The following HAO1 variants were observed in gnomAD, a reference collection of about 807,000 sequenced individuals.
HAO1 encodes the protein 2-Hydroxyacid oxidase 1.
In HAO1, 34 loss-of-function variants were observed where a neutral mutation model predicts 39.7. That is an observed-to-expected ratio of 0.86 (90% CI 0.65 to 1.14). The LOEUF (loss-of-function observed/expected upper bound fraction) is 1.14, where lower values mean the gene tolerates loss of function less well. Among genes scored for constraint, HAO1 ranks in the 50% most tolerant of loss-of-function variants. The pLI is 0.00. For synonymous variants in HAO1, 172 were observed against 173.2 expected, an observed-to-expected ratio of 0.99 and a Z score of 0.05; for missense variants, 479 against 464.5, an observed-to-expected ratio of 1.03 and a Z score of -0.29.
At chr20:7,920,418 G>A (rs1487481329) in intron 2 of HAO1, among the ~76,000 whole-genome samples, 4 of 151,924 alleles carry the variant, frequency 2.6e-5, no homozygotes, top group Non-Finnish European at 5.9e-5. Flanking sequence ...CCATTTTTTT[G>A]TAGGGAGAAC....
chr20:7,906,790 T>C (rs772316005), intron 3 of HAO1, among the ~76,000 whole-genome samples: 26 of 152,186 alleles, frequency 1.7e-4, no homozygotes, highest in Admixed American at 1.2e-3. Flanking sequence ...AAAGTAACAT[T>C]GATACTCTAT....
chr20:7,892,020 C>T (rs1443879738), intron 5 of HAO1, among the ~76,000 whole-genome samples: 1 of 152,146 alleles, frequency 6.6e-6, no homozygotes, highest in Non-Finnish European at 1.5e-5. Context: ...CAGTGTGTCT[C>T]TGGGAGCAAA....
At chr20:7,911,565 C>A (rs1568515122) in intron 3 of HAO1, among the ~76,000 whole-genome samples, 1 of 152,100 alleles carries the variant, frequency 6.6e-6, no homozygotes, top group Non-Finnish European at 1.5e-5. Flanking sequence ...TCTCCTTACT[C>A]CCTCTCAGTT....
intron 4 of HAO1, among the ~76,000 whole-genome samples, chr20:7,897,280 A>G (rs1407685889): frequency 3.3e-5 from 5 of 152,182 alleles, no homozygotes; most frequent in African/African-American, 9.6e-5. Flanking sequence ...AAGGAACGTG[A>G]TAAGTTGTGA....
At chr20:7,892,236 C>T (rs895052911) in intron 5 of HAO1, among the ~76,000 whole-genome samples, 1 of 152,092 alleles carries the variant, frequency 6.6e-6, no homozygotes, top group South Asian at 2.1e-4. Context: ...CAGGAGTGCA[C>T]CACCATGCCC....
intron 2 of HAO1, among the ~76,000 whole-genome samples, chr20:7,934,043 G>A (rs1410981213): frequency 2.0e-5 from 3 of 152,162 alleles, no homozygotes; most frequent in Non-Finnish European, 4.4e-5. Flanking sequence ...TTGAGATAAG[G>A]TAGCCACAGG....
intron 2 of HAO1, among the ~76,000 whole-genome samples, chr20:7,917,000 T>C (rs756182311): frequency 6.6e-6 from 1 of 152,178 alleles, no homozygotes; most frequent in Non-Finnish European, 1.5e-5. Flanking sequence ...CCAAGGGACA[T>C]TGATTGCTTG....
intron 2 of HAO1, among the ~76,000 whole-genome samples, chr20:7,914,871 C>T (rs954557922): frequency 6.6e-6 from 1 of 152,192 alleles, no homozygotes; most frequent in Admixed American, 6.5e-5. Context: ...GTAATCCCAG[C>T]ACTTTGGGAG....
chr20:7,938,444 C>A (rs1314690888), intron 1 of HAO1, among the ~76,000 whole-genome samples: 2 of 151,854 alleles, frequency 1.3e-5, no homozygotes, highest in Non-Finnish European at 2.9e-5. Flanking sequence ...GGTGACACTG[C>A]AAATTCATTT....
At chr20:7,923,998 G>A (rs980904633) in intron 2 of HAO1, among the ~76,000 whole-genome samples, 3 of 152,114 alleles carry the variant, frequency 2.0e-5, no homozygotes, top group Admixed American at 6.6e-5. Flanking sequence ...CCAATGGCCC[G>A]CCATGCCTTG....
rs1002920175 is a variant in HAO1, at chr20:7,894,671, G to A, written c.813+462C>T. On this transcript the variant is annotated intron_variant, in intron 5 of 7. Transcript: ENST00000378789. ...ACCATTTCTCTGCAGCTTTTCAACC[G>A]CCACCCCACAGGAAATTCTGATTAT... 5.9e-5 allele frequency among the ~76,000 whole-genome samples: 9 copies of A among 151,876 alleles called. No homozygotes were observed. The South Asian group carries it at 6.2e-4, about 11-fold the overall frequency.
At chr20:7,904,106 A>G (rs2050236746) in intron 4 of HAO1, among the ~76,000 whole-genome samples, 1 of 152,152 alleles carries the variant, frequency 6.6e-6, no homozygotes, top group African/African-American at 2.4e-5. Flanking sequence ...CTTATTTGAA[A>G]CAATTATGGA....
At chr20:7,925,522 T>G (rs945348364) in intron 2 of HAO1, among the ~76,000 whole-genome samples, 1 of 152,198 alleles carries the variant, frequency 6.6e-6, no homozygotes, top group Non-Finnish European at 1.5e-5. Flanking sequence ...TCTACTGCAG[T>G]GATTCCTGTG....
At chr20:7,903,222 C>T (rs949885324) in intron 4 of HAO1, among the ~76,000 whole-genome samples, 16 of 151,086 alleles carry the variant, frequency 1.1e-4, no homozygotes, top group South Asian at 2.1e-4. Context: ...GAAAAGTAGA[C>T]GATGTAAACT....
intron 4 of HAO1, 76 bp downstream of exon 4, chr20:7,906,078 T>A: frequency 1.0e-6 from 1 of 991,384 alleles, no homozygotes; most frequent in Admixed American, 2.1e-5. Context: ...CTTGTTATTT[T>A]CCTTTAAGAA....
Position 7,896,420 on chromosome 20 carries a change from A to G in HAO1, c.722-1196T>C, listed in dbSNP as rs73597934. Among the ~76,000 whole-genome samples the G allele has an allele frequency of 2.0e-3, 305 of 152,306 alleles. 1 individual carries two copies. The highest frequency in any genetic ancestry group is 7.0e-3 in the African/African-American group (290 of 41,576). On this transcript the variant is annotated intron_variant, in intron 4 of 7. Coordinates refer to ENST00000378789, the MANE Select transcript of HAO1 (RefSeq NM_017545.3). ...ATTAAGCAATGGAGATAATGGGCAGACTTGACTAAGAATAATTTTAAAAGA... is the reference window on the plus strand; with the variant it reads ...ATTAAGCAATGGAGATAATGGGCAGGCTTGACTAAGAATAATTTTAAAAGA...
At position 7,932,035 on chromosome 20, in the gene HAO1, T is replaced by C. The variant is rs145320417; in HGVS notation, c.289+2449A>G. On this transcript the variant is annotated intron_variant, in intron 2 of 7. Transcript: ENST00000378789. ...GAGGGAAAGACCTAGTGGGAGGTGA[T>C]TGGATCATGGGGGTGGTTTCCCCCA... is the stretch of plus-strand genomic sequence containing the variant. Among the ~76,000 whole-genome samples the C allele has an allele frequency of 8.8e-3, 1,333 of 152,226 alleles. 12 individuals are homozygous for C. The highest frequency in any genetic ancestry group is 0.03 in the African/African-American group (1,247 of 41,532).
intron 1 of HAO1, among the ~76,000 whole-genome samples, chr20:7,937,634 A>G (rs764317155): frequency 3.3e-5 from 5 of 151,866 alleles, no homozygotes; most frequent in African/African-American, 4.9e-5. Flanking sequence ...TTGTTTAATC[A>G]TCTTCCATCA....
chr20:7,907,545 T>C (rs2050254217), intron 3 of HAO1, among the ~76,000 whole-genome samples: 1 of 152,164 alleles, frequency 6.6e-6, no homozygotes, highest in Admixed American at 6.6e-5. Flanking sequence ...CCTTCCCTAT[T>C]AACTACTTGC....
Sources: allele counts gnomAD v4.1 joint callset (sites outside exome capture counted in the v4.1 genomes callset), GRCh38; gene constraint gnomAD v4.1.1; transcripts MANE v1.5; gene names NCBI Gene and HGNC (gene_info 2026-07-23, HGNC 2026-07-21).